ZFP14: variants seen among roughly 807,000 people sequenced by gnomAD.
The protein encoded by ZFP14 is zinc finger protein 14 homolog.
ZFP14 carries 22 observed loss-of-function variants against 54.5 expected under a neutral mutation model. That is an observed-to-expected ratio of 0.40 (90% confidence interval 0.29 to 0.58). The LOEUF is 0.58. Among genes scored for constraint, ZFP14 ranks in the 20% least tolerant of loss-of-function variants. The pLI is 0.39. For synonymous variants in ZFP14, 159 were observed against 204.0 expected (o/e 0.78, Z 1.88); for missense variants, 470 against 637.8 (o/e 0.74, Z 2.83).
chr19:36,365,762 C>G (rs1364190521), intron 2 of ZFP14, among the ~76,000 whole-genome samples: 6 of 151,988 alleles, frequency 3.9e-5, no homozygotes, highest in Non-Finnish European at 8.8e-5. Flanking sequence ...AGTTTGAGTT[C>G]AGCTTAGGCA....
At chr19:36,353,868 G>C (rs1272928909) in intron 4 of ZFP14, among the ~76,000 whole-genome samples, 1 of 140,276 alleles carries the variant, frequency 7.1e-6, no homozygotes, top group Non-Finnish European at 1.6e-5. Context: ...GAGCCTAGGA[G>C]TTCAAGACCA....
At chr19:36,356,798 C>A (rs2031622017) in intron 4 of ZFP14, among the ~76,000 whole-genome samples, 2 of 152,134 alleles carry the variant, frequency 1.3e-5, no homozygotes, top group East Asian at 3.8e-4. Flanking sequence ...CAAGTTGTTG[C>A]ATGTATCAAG....
rs150851727 is a variant in ZFP14 at position 36,344,984 on chromosome 19, C to T, written c.236-3394G>A. On this transcript the variant is annotated intron_variant, in intron 4 of 4. Transcript: ENST00000270001. ...TACACTTACTCAAACTTTTGTTGGC[C>T]GGGCACTGTGGTTCACACCTATAAT... is the stretch of plus-strand genomic sequence containing the variant. Among the ~76,000 whole-genome samples, 569 of 152,230 alleles carry T rather than the reference C, an allele frequency of 3.7e-3. 3 individuals carry two copies. The highest frequency in any genetic ancestry group is 0.013 in the African/African-American group (552 of 41,534).
At position 36,335,300 on chromosome 19, in the gene ZFP14, A is replaced by C. The variant is rs2031171855; in HGVS notation, c.*4924T>G. 2.0e-5 allele frequency: 3 copies of C among 152,190 alleles called. No individual in the cohort carries two copies. The highest frequency in any genetic ancestry group is 7.2e-5 in the African/African-American group (3 of 41,446). The allele number at this position is 152,190 out of a possible 1,614,324, so 9.4% of individuals were successfully genotyped here. On this transcript the variant is annotated 3_prime_UTR_variant, in exon 5 of 5. Coordinates refer to ENST00000270001, the MANE Select transcript of ZFP14 (RefSeq NM_020917.3). ...AGAATGTTGAATTTAGGGGTCAAAC[A>C]CAGGCTTTCTGGAGGTATTTGGTGC...
At chr19:36,359,005 C>G (rs999314135) in intron 4 of ZFP14, among the ~76,000 whole-genome samples, 1 of 152,168 alleles carries the variant, frequency 6.6e-6, no homozygotes, top group Admixed American at 6.5e-5. Flanking sequence ...TGCAAAGCCT[C>G]GGAATTCAGC....
intron 4 of ZFP14, among the ~76,000 whole-genome samples, chr19:36,348,294 C>T (rs1453002605): frequency 6.6e-6 from 1 of 151,998 alleles, no homozygotes; most frequent in Non-Finnish European, 1.5e-5. Flanking sequence ...GTACTTGGGT[C>T]GATACTTCTG....
chr19:36,350,145 A>C (rs1239894924), intron 4 of ZFP14, among the ~76,000 whole-genome samples: 2 of 142,604 alleles, frequency 1.4e-5, no homozygotes, highest in African/African-American at 2.6e-5. Context: ...AACAAAAAAA[A>C]AAAACAGAAA....
intron 1 of ZFP14, 60 bp from the exon 2 acceptor site, chr19:36,368,031 AC>A: frequency 9.8e-7 from 1 of 1,018,714 alleles, no homozygotes; most frequent in Non-Finnish European, 1.4e-6. Flanking sequence ...AAAATGATGT[AC>A]ATCATAAATA....
chr19:36,340,109 ATTCT>A lies in ZFP14; in HGVS notation c.*111_*114del. ...TGTTGGAAGGCTTTTAAATCAACAT[ATTCT>A]TTCTCTAATATAAAATTTATTATGC... On this transcript the variant is annotated 3_prime_UTR_variant, in exon 5 of 5. Coordinates refer to ENST00000270001, the MANE Select transcript of ZFP14 (RefSeq NM_020917.3). This position sits in a 1 kb window ranked among gnomAD's most constrained non-coding sequence, Gnocchi z 5.4. 1 of 1,147,648 alleles carries A rather than the reference ATTCT, an allele frequency of 8.7e-7. No homozygotes were observed. The highest frequency in any genetic ancestry group is 1.2e-6 in the Non-Finnish European group (1 of 853,538). The allele number at this position is 1,147,648 out of a possible 1,614,324, so 71.1% of individuals were successfully genotyped here. A position where few individuals can be genotyped will look rare whatever the true frequency, so the allele number is the denominator to read the frequency against.
chr19:36,354,370 CAAAAAAAAA>C lies in ZFP14; in HGVS notation c.235+6056_235+6064del, dbSNP rs58651628. ...TGGGCGACAGAGAGAGATTCCATCT[CAAAAAAAAA>C]AAAAAAAAGTCAAATGCCTTCTCCT... On this transcript the variant is annotated intron_variant, in intron 4 of 4. Transcript: ENST00000270001. Among the ~76,000 whole-genome samples, 10 of 99,014 alleles carry C rather than the reference CAAAAAAAAA, an allele frequency of 1.0e-4. 1 individual carries two copies. 65.0% of individuals were successfully genotyped at this position (99,014 alleles called of 152,430 possible).
At position 36,339,956 on chromosome 19, in the gene ZFP14, G is replaced by C; in HGVS notation, c.*268C>G. The C allele has an allele frequency of 3.1e-6, 1 of 321,172 alleles. No homozygotes were observed. Among genetic ancestry groups the C allele is most frequent in the Non-Finnish European group, 5.6e-6 (1 of 177,348 alleles). 19.9% of individuals were successfully genotyped at this position (321,172 alleles called of 1,614,324 possible). A position where few individuals can be genotyped will look rare whatever the true frequency, so the allele number is the denominator to read the frequency against. On this transcript the variant is annotated 3_prime_UTR_variant, in exon 5 of 5. Coordinates refer to ENST00000270001, the MANE Select transcript of ZFP14 (RefSeq NM_020917.3). ...ATGAGGCACAGAAGCTTAGTATCTTGTCCAATAAATCAAACTGGTAATCAA... is the reference window on the plus strand; with the variant it reads ...ATGAGGCACAGAAGCTTAGTATCTTCTCCAATAAATCAAACTGGTAATCAA...
At chr19:36,368,537 G>A (rs1476969048) in intron 1 of ZFP14, among the ~76,000 whole-genome samples, 2 of 152,122 alleles carry the variant, frequency 1.3e-5, no homozygotes, top group Non-Finnish European at 2.9e-5. Flanking sequence ...TTCTGCAAGA[G>A]GATTTCTGAC....
intron 3 of ZFP14, 113 bp from the exon 4 acceptor site, chr19:36,360,646 AG>A (rs2145555468): frequency 1.1e-6 from 1 of 925,308 alleles, no homozygotes; most frequent in East Asian, 2.8e-5. Context: ...AAAGCCTAGG[AG>A]CGAAGAATTG....
intron 4 of ZFP14, among the ~76,000 whole-genome samples, chr19:36,346,550 C>T (rs563934514): frequency 1.3e-5 from 2 of 152,066 alleles, no homozygotes; most frequent in African/African-American, 2.4e-5. Flanking sequence ...CTCTGCCTCC[C>T]GGGTTCAAGT....
intron 2 of ZFP14, chr19:36,362,802 T>C (rs1358425189): frequency 2.0e-5 from 6 of 298,746 alleles, no homozygotes; most frequent in Admixed American, 4.5e-5. Flanking sequence ...TTTAAAAACA[T>C]TGATAAAAAT....
chr19:36,369,447 G>A (rs959420265), intron 1 of ZFP14, among the ~76,000 whole-genome samples: 1 of 151,958 alleles, frequency 6.6e-6, no homozygotes, highest in African/African-American at 2.4e-5. Context: ...GCCTTGTTCT[G>A]TCACCCAGGC....
chr19:36,341,412 T>G lies in ZFP14; in HGVS notation c.414A>C (p.Gly138=). 6.2e-7 allele frequency: 1 copy of G among 1,614,048 alleles called. No homozygotes were observed. The highest frequency in any genetic ancestry group is 8.5e-7 in the Non-Finnish European group (1 of 1,180,002). Residue 138 remains glycine, a synonymous_variant, in exon 5 of 5, where the codon GGA becomes GGC. Coordinates refer to ENST00000270001, the MANE Select transcript of ZFP14 (RefSeq NM_020917.3). The surrounding 1 kb of genome is among the most constrained non-coding windows in gnomAD (Gnocchi z 4.2). ...KIEGEKEQQE[G]YFGQVKITSE... is the part of the protein sequence containing the mutation. ...AGGTAATTTTCACTTGCCCAAAATA[T>G]CCCTCTTGTTGTTCCTTTTCCCCCT...
chr19:36,378,277 TAAAATGA>T (rs1256132096), intron 1 of ZFP14: 2 of 152,166 alleles, frequency 1.3e-5, no homozygotes, highest in Non-Finnish European at 2.9e-5. Context: ...TCCCCAGTAA[TAAAATGA>T]AAACAGCAAA....
chr19:36,372,014 A>G (rs1262275760), intron 1 of ZFP14, among the ~76,000 whole-genome samples: 14 of 136,692 alleles, frequency 1.0e-4, no homozygotes, highest in South Asian at 2.5e-4. Context: ...GAAGGAGGGA[A>G]GGAAGGAAGG....
Sources: allele counts gnomAD v4.1 joint callset (sites outside exome capture counted in the v4.1 genomes callset), GRCh38; gene constraint gnomAD v4.1.1; non-coding constraint Gnocchi (gnomAD v3.1); transcripts MANE v1.5; gene names NCBI Gene and HGNC (gene_info 2026-07-23, HGNC 2026-07-21).